Variants in IQCE observed in about 807,000 individuals in gnomAD.
IQCE encodes the protein IQ domain-containing protein E.
IQCE carries 115 observed loss-of-function variants against 96.0 expected under a neutral mutation model. The ratio of observed to expected loss-of-function variants is 1.20; its 90% confidence interval spans 1.03 to 1.40. The LOEUF (loss-of-function observed/expected upper bound fraction) is 1.40. IQCE is among the 40% of genes most tolerant of loss of function. The pLI, the probability that IQCE is intolerant of heterozygous loss-of-function variation, is 0.00. For missense variants in IQCE, 1,041 were observed against 909.1 expected (o/e 1.15, Z -1.87); for synonymous variants, 412 against 371.2 (o/e 1.11, Z -1.26).
In IQCE at chr7:2,610,553, C is replaced by T. The variant is rs1476791330; in HGVS notation, c.*391C>T. 1.0e-5 allele frequency: 2 copies of T among 196,112 alleles called. No individual in the cohort carries two copies. The highest frequency in any genetic ancestry group is 2.1e-3 in the Middle Eastern group (1 of 484). 12.1% of individuals were successfully genotyped at this position (196,112 alleles called of 1,614,324 possible). On this transcript the variant is annotated 3_prime_UTR_variant, in exon 22 of 22. Transcript: ENST00000402050. ...AACCAGCGCCGACACCATGCCCCCT[C>T]TTCCTGGTGACACCCTCAACAACCA...
rs1780722778 is a variant in IQCE at position 2,559,148 on chromosome 7, C to T, written c.-34C>T. ...TCCCAGACCCGGACGCCCGAGCCAG[C>T]AACCCTGAGGGGCGGCCGGGCAGCG... On this transcript the variant is annotated 5_prime_UTR_variant, in exon 1 of 22. The change creates a premature stop within an existing upstream ORF in the 5' untranslated region. Transcript: ENST00000402050. 3.3e-6 allele frequency: 4 copies of T among 1,211,292 alleles called. No homozygotes were observed. The South Asian group carries it at 1.7e-4, about 50-fold the overall frequency. The allele number at this position is 1,211,292 out of a possible 1,614,324, so 75.0% of individuals were successfully genotyped here. A position where few individuals can be genotyped will look rare whatever the true frequency, so the allele number is the denominator to read the frequency against.
intron 14 of IQCE, among the ~76,000 whole-genome samples, chr7:2,591,616 ATTTTTTTTTT>A (rs766125885): frequency 8.4e-6 from 1 of 118,676 alleles, no homozygotes; most frequent in African/African-American, 3.2e-5. Flanking sequence ...TCTGCGGGTG[ATTTTTTTTTT>A]TTTTTTTTTT....
intron 8 of IQCE, among the ~76,000 whole-genome samples, chr7:2,579,590 G>A (rs917335026): frequency 4.6e-5 from 7 of 152,168 alleles, no homozygotes; most frequent in Admixed American, 3.9e-4. Context: ...AAAGTAGATG[G>A]TGAAAGCCTA....
rs1369960964 is a variant in IQCE, at chr7:2,594,929, G to T, written c.1393G>T (p.Glu465Ter). ...TLTSKLQELQEMKKEEKEDCP... is the reference protein window; with the variant it reads ...TLTSKLQELQ ...TACCAGCAAGCTCCAAGAATTGCAA[G>T]AAATGAAGAAAGAAGAGAAAGAGGA... Residue 465 changes from glutamate to a stop codon, truncating the protein, a stop_gained, in exon 16 of 22, where the codon GAA becomes TAA. Coordinates refer to ENST00000402050, the MANE Select transcript of IQCE (RefSeq NM_152558.5). LOFTEE classifies it high-confidence loss of function. 7 of 1,614,040 alleles carry T rather than the reference G, an allele frequency of 4.3e-6. No individual in the cohort carries two copies. Among genetic ancestry groups the T allele is most frequent in the Non-Finnish European group, 5.9e-6 (7 of 1,179,904 alleles).
At chr7:2,607,904 C>T (rs924013649) in intron 21 of IQCE, among the ~76,000 whole-genome samples, 4 of 152,326 alleles carry the variant, frequency 2.6e-5, no homozygotes, top group Middle Eastern at 6.8e-3. Context: ...TGGAGAAGGG[C>T]AGCCTTAAGA....
At chr7:2,586,534 G>A (rs968478993) in intron 12 of IQCE, among the ~76,000 whole-genome samples, 163 bp downstream of exon 12, 4 of 152,256 alleles carry the variant, frequency 2.6e-5, no homozygotes, top group Admixed American at 6.5e-5. Context: ...CGCGGGCCAC[G>A]CGATGCCCCG....
chr7:2,597,067 C>T, intron 16 of IQCE: 1 of 471,266 alleles, frequency 2.1e-6, no homozygotes. Flanking sequence ...GCGCGTCGGC[C>T]AGGAGGCGGC....
chr7:2,569,066 G>T (rs1339284987), intron 3 of IQCE, 67 bp downstream of exon 3: 6 of 1,496,300 alleles, frequency 4.0e-6, no homozygotes, highest in South Asian at 1.1e-5. Context: ...GAGAATGAAG[G>T]GTATTTGCTT....
At chr7:2,559,836 T>A (rs1583366433) in intron 1 of IQCE, among the ~76,000 whole-genome samples, 1 of 134,730 alleles carries the variant, frequency 7.4e-6, no homozygotes, top group Non-Finnish European at 1.5e-5. Flanking sequence ...AAGTGAGAAG[T>A]GCTGTGCAGA....
chr7:2,587,265 G>A (rs1283242470), intron 12 of IQCE, among the ~76,000 whole-genome samples: 1 of 152,010 alleles, frequency 6.6e-6, no homozygotes, highest in Non-Finnish European at 1.5e-5. Context: ...GGGAGTGGGG[G>A]CCAGGCAGTG....
chr7:2,571,323 T>G (rs1781739111), intron 3 of IQCE: 1 of 596,810 alleles, frequency 1.7e-6, no homozygotes, highest in East Asian at 3.4e-5. Flanking sequence ...CTGGCCTCAT[T>G]ATGCTATTTC....
rs901070696 is a variant in IQCE, at chr7:2,613,183, C to G, written c.*3021C>G. 2.0e-5 allele frequency: 3 copies of G among 152,250 alleles called. No individual in the cohort carries two copies. Among genetic ancestry groups the G allele is most frequent in the Non-Finnish European group, 4.4e-5 (3 of 68,068 alleles). 9.4% of individuals were successfully genotyped at this position (152,250 alleles called of 1,614,324 possible). ...AGATGTCAGTCTCCAGGGCCTGGCC[C>G]CACTGTGTTGACAGCAGTCACGTCT... On this transcript the variant is annotated 3_prime_UTR_variant, in exon 22 of 22. Transcript: ENST00000402050.
chr7:2,611,292 G>A lies in IQCE; in HGVS notation c.*1130G>A, dbSNP rs55703631. 15,140 of 152,300 alleles carry A rather than the reference G, an allele frequency of 0.099. 1,037 individuals carry two copies. Among genetic ancestry groups the A allele is most frequent in the Non-Finnish European group, 0.14 (9,727 of 68,046 alleles). The allele number at this position is 152,300 out of a possible 1,614,324, so 9.4% of individuals were successfully genotyped here. On this transcript the variant is annotated 3_prime_UTR_variant, in exon 22 of 22. Transcript: ENST00000402050. ...AAGAGGAAGAGCCTTAGACCTGGGC[G>A]GGCCTTCAGGGGCATCTAGACCCCT...
At chr7:2,577,957 G>GCATTGGCGTGTACT (rs2128444250) in intron 6 of IQCE, among the ~76,000 whole-genome samples, 3 of 97,184 alleles carry the variant, frequency 3.1e-5, no homozygotes, top group Non-Finnish European at 3.9e-5. Context: ...TGTCGTGTGC[G>GCATTGGCGTGTACT]TGGCTGTGCG....
Position 2,559,107 on chromosome 7 carries a change from A to T in IQCE, c.-75A>T. 1.4e-6 allele frequency: 1 copy of T among 707,826 alleles called. No individual in the cohort carries two copies. The highest frequency in any genetic ancestry group is 1.8e-6 in the Non-Finnish European group (1 of 556,078). 43.8% of individuals were successfully genotyped at this position (707,826 alleles called of 1,614,324 possible). A position where few individuals can be genotyped will look rare whatever the true frequency, so the allele number is the denominator to read the frequency against. On this transcript the variant is annotated 5_prime_UTR_variant, in exon 1 of 22. Transcript: ENST00000402050. ...GAAGGCCCCGAGGCTGCGGGCGGCC[A>T]GGGCTGCCCGCGGATTCCCAGACCC... is the stretch of plus-strand genomic sequence containing the variant.
At chr7:2,583,516 C>G in intron 9 of IQCE, 121 bp from the exon 10 acceptor site, 1 of 524,288 alleles carries the variant, frequency 1.9e-6, no homozygotes, top group African/African-American at 2.0e-5. Flanking sequence ...AGGCTTTTCC[C>G]TCCCATCCTG....
chr7:2,592,477 C>A (rs1397271223), intron 14 of IQCE, among the ~76,000 whole-genome samples: 1 of 152,236 alleles, frequency 6.6e-6, no homozygotes, highest in African/African-American at 2.4e-5. Flanking sequence ...GCATTTAATA[C>A]AGAGACTCAC....
At chr7:2,572,092 T>TG in intron 4 of IQCE, 100 bp from the exon 5 acceptor site, 1 of 1,296,932 alleles carries the variant, frequency 7.7e-7, no homozygotes, top group Non-Finnish European at 1.1e-6. Context: ...CGTCTATCAG[T>TG]GATTCAGCTT....
intron 17 of IQCE, among the ~76,000 whole-genome samples, chr7:2,600,344 T>A (rs1055446568): frequency 1.3e-5 from 2 of 152,220 alleles, no homozygotes; most frequent in Non-Finnish European, 2.9e-5. Flanking sequence ...GGCCCCTGTT[T>A]GTGTTTCTAA....
Sources: allele counts gnomAD v4.1 joint callset (sites outside exome capture counted in the v4.1 genomes callset), GRCh38; gene constraint gnomAD v4.1.1; transcripts MANE v1.5; gene names NCBI Gene and HGNC (gene_info 2026-07-23, HGNC 2026-07-21).